Variants in ABCA13 observed in about 807,000 individuals in gnomAD.
The protein encoded by ABCA13 is ATP-binding cassette sub-family A member 13.
Under a neutral mutation model 478.7 loss-of-function variants are expected in ABCA13, and 476 were observed. The observed-to-expected ratio is 0.99, with a 90% CI of 0.92 to 1.07. The LOEUF (loss-of-function observed/expected upper bound fraction) is 1.07. Among genes scored for constraint, ABCA13 ranks in the 50% least tolerant of loss-of-function variants. ABCA13 has a pLI of 0.00. For synonymous variants in ABCA13, 2,252 were observed against 2,158.9 expected (o/e 1.04, Z -1.20); for missense variants, 6,060 against 5,910.6 (o/e 1.03, Z -0.83).
intron 41 of ABCA13, among the ~76,000 whole-genome samples, chr7:48,413,528 C>G (rs563867080): frequency 6.6e-6 from 1 of 152,140 alleles, no homozygotes; most frequent in Non-Finnish European, 1.5e-5. Flanking sequence ...AGTATTTGAG[C>G]CCTAATTTTA....
At chr7:48,321,229 A>G (rs1474548929) in intron 27 of ABCA13, among the ~76,000 whole-genome samples, 1 of 152,206 alleles carries the variant, frequency 6.6e-6, no homozygotes, top group African/African-American at 2.4e-5. Flanking sequence ...TACATCCTAC[A>G]ATGCACAGGA....
chr7:48,294,636 C>T (rs1287128288), intron 20 of ABCA13, among the ~76,000 whole-genome samples: 10 of 151,076 alleles, frequency 6.6e-5, no homozygotes, highest in Middle Eastern at 3.2e-3. Flanking sequence ...TTAGTAGAGA[C>T]GGGGTTTCAC....
intron 32 of ABCA13, among the ~76,000 whole-genome samples, chr7:48,371,226 T>A (rs1442493666): frequency 6.6e-6 from 1 of 152,186 alleles, no homozygotes. Flanking sequence ...GCCTCCAGTT[T>A]TGTTTCTTTC....
chr7:48,257,006 A>G (rs1260615455), intron 15 of ABCA13, among the ~76,000 whole-genome samples: 1 of 151,992 alleles, frequency 6.6e-6, no homozygotes. Flanking sequence ...TTTAATTCTC[A>G]TTGAGGAGAT....
chr7:48,440,369 A>G (rs1490383230), intron 42 of ABCA13, among the ~76,000 whole-genome samples: 3 of 152,078 alleles, frequency 2.0e-5, no homozygotes, highest in Non-Finnish European at 4.4e-5. Flanking sequence ...TATATATAGA[A>G]GTCTGTGTTT....
chr7:48,313,994 T>C (rs574337790), intron 25 of ABCA13, among the ~76,000 whole-genome samples: 92 of 152,168 alleles, frequency 6.0e-4, no homozygotes, highest in Non-Finnish European at 1.6e-4. Flanking sequence ...TGTGTGTGTG[T>C]GTGTGTGTGT....
chr7:48,496,936 A>G (rs192549557), intron 48 of ABCA13, among the ~76,000 whole-genome samples: 14 of 150,742 alleles, frequency 9.3e-5, no homozygotes, highest in Admixed American at 2.6e-4. Flanking sequence ...CCTATTTGGG[A>G]TTTATTTAGC....
At chr7:48,385,334 C>T (rs977896078) in intron 35 of ABCA13, among the ~76,000 whole-genome samples, 3 of 152,086 alleles carry the variant, frequency 2.0e-5, no homozygotes, top group East Asian at 1.9e-4. Context: ...TGTTGTTCCC[C>T]GCAGTGCATG....
At position 48,350,685 on chromosome 7, in the gene ABCA13, G is replaced by A. The variant is rs759973948; in HGVS notation, c.10247G>A (p.Arg3416His). 1.7e-5 allele frequency: 27 copies of A among 1,613,818 alleles called. No homozygotes were observed. The highest frequency in any genetic ancestry group is 2.2e-5 in the Non-Finnish European group (26 of 1,179,870). The change falls in exon 30 of 62, where the codon CGC (arginine) becomes CAC (histidine). Residue 3416 changes from arginine to histidine, a missense_variant. Arg to His is a conservative substitution (Grantham distance 29). Transcript: ENST00000435803. ...DEMFNHAGAG[R>H]FRFLGSILVN... is the part of the protein sequence containing the mutation. ...ATGTTTAACCATGCAGGCGCTGGAC[G>A]CTTCCGTTTCTTGGGCAGCATCTTG...
At position 48,489,347 on chromosome 7, in the gene ABCA13, A is replaced by G. The variant is rs1829637139; in HGVS notation, c.13291+3A>G. 6.3e-7 allele frequency: 1 copy of G among 1,581,156 alleles called. No individual in the cohort carries two copies. The highest frequency in any genetic ancestry group is 1.7e-5 in the Admixed American group (1 of 57,430). ...TACTGTGGACTGGAGACAATACGGTAATGTTATTTTTCATGCATTGTAATT... is the reference window on the plus strand; with the variant it reads ...TACTGTGGACTGGAGACAATACGGTGATGTTATTTTTCATGCATTGTAATT... On this transcript the variant is annotated splice_donor_region_variant and intron_variant, in intron 48 of 61. Coordinates refer to ENST00000435803, the MANE Select transcript of ABCA13 (RefSeq NM_152701.5).
intron 27 of ABCA13, among the ~76,000 whole-genome samples, chr7:48,329,446 C>G (rs996687470): frequency 6.6e-6 from 1 of 152,230 alleles, no homozygotes; most frequent in Non-Finnish European, 1.5e-5. Flanking sequence ...AGGGGGCTGG[C>G]TGTGTGCCCT....
At chr7:48,572,617 A>G (rs34974785) in intron 55 of ABCA13, among the ~76,000 whole-genome samples, 8,290 of 152,224 alleles carry the variant, frequency 0.054, 255 homozygotes, top group South Asian at 0.086. Flanking sequence ...AAAATTTAAT[A>G]CCCCTTTTAT....
At chr7:48,516,003 C>T (rs552956496) in intron 51 of ABCA13, among the ~76,000 whole-genome samples, 10 of 152,126 alleles carry the variant, frequency 6.6e-5, no homozygotes, top group South Asian at 6.2e-4. Flanking sequence ...TGACCCCATC[C>T]GGTGTTCTTT....
At chr7:48,211,093 T>C (rs544799311) in intron 3 of ABCA13, among the ~76,000 whole-genome samples, 1 of 152,180 alleles carries the variant, frequency 6.6e-6, no homozygotes, top group Non-Finnish European at 1.5e-5. Flanking sequence ...CATATCTCTG[T>C]CACTGCAGGA....
chr7:48,288,555 C>T (rs1798079210), intron 20 of ABCA13, among the ~76,000 whole-genome samples: 3 of 152,256 alleles, frequency 2.0e-5, no homozygotes, highest in Admixed American at 6.5e-5. Context: ...CCCTTCTCTA[C>T]GTTTAATGAC....
At chr7:48,592,496 T>A (rs1450569092) in intron 57 of ABCA13, among the ~76,000 whole-genome samples, 3 of 151,962 alleles carry the variant, frequency 2.0e-5, no homozygotes, top group Non-Finnish European at 4.4e-5. Context: ...TGGCCTAATA[T>A]ATGGTCTCTC....
intron 49 of ABCA13, among the ~76,000 whole-genome samples, chr7:48,507,503 T>C (rs1354907729): frequency 6.6e-6 from 1 of 152,192 alleles, no homozygotes; most frequent in Non-Finnish European, 1.5e-5. Context: ...CAGGTGCTAC[T>C]GTATTGCAAA....
chr7:48,455,139 G>A lies in ABCA13; in HGVS notation c.12668G>A (p.Gly4223Glu), dbSNP rs751855212. 32 of 1,573,672 alleles carry A rather than the reference G, an allele frequency of 2.0e-5. No individual in the cohort carries two copies. The South Asian group carries it at 2.4e-4, about 12-fold the overall frequency. Residue 4223 changes from glycine to glutamate, a missense_variant, in exon 43 of 62, where the codon GGG becomes GAG. Gly to Glu is a moderately conservative substitution (Grantham distance 98). Transcript: ENST00000435803. ...ARRLRRTLRAGKSTLADLLLP... is the reference protein window; with the variant it reads ...ARRLRRTLRAEKSTLADLLLP... Reference sequence around the variant, plus strand: ...AGGCTCCGCCGCACGCTGCGCGCCGGGAAGAGCACCCTCGCCGACCTGCTG... The same window carrying A: ...AGGCTCCGCCGCACGCTGCGCGCCGAGAAGAGCACCCTCGCCGACCTGCTG...
At chr7:48,497,511 A>G (rs1305570422) in intron 48 of ABCA13, among the ~76,000 whole-genome samples, 2 of 152,148 alleles carry the variant, frequency 1.3e-5, no homozygotes, top group Non-Finnish European at 2.9e-5. Flanking sequence ...TGGAAACTGT[A>G]ATATGTGACT....
Sources: allele counts gnomAD v4.1 joint callset (sites outside exome capture counted in the v4.1 genomes callset), GRCh38; gene constraint gnomAD v4.1.1; transcripts MANE v1.5; gene names NCBI Gene and HGNC (gene_info 2026-07-23, HGNC 2026-07-21).